The following SNX10 variants were observed in gnomAD, a reference collection of about 807,000 sequenced individuals.
SNX10 encodes sorting nexin 10.
A neutral mutation model predicts 28.5 loss-of-function variants in SNX10; 25 were observed. The ratio of observed to expected loss-of-function variants is 0.88; its 90% confidence interval spans 0.64 to 1.22. The LOEUF (loss-of-function observed/expected upper bound fraction) is 1.22, where lower values mean the gene tolerates loss of function less well. SNX10 is among the 50% of genes most tolerant of loss of function. SNX10 has a pLI of 0.00. For synonymous variants in SNX10, 62 were observed against 81.4 expected (o/e 0.76, Z 1.28); for missense variants, 223 against 242.6 (o/e 0.92, Z 0.54).
At chr7:26,304,478 A>C (rs1786504217) in intron 1 of SNX10, among the ~76,000 whole-genome samples, 1 of 152,218 alleles carries the variant, frequency 6.6e-6, no homozygotes, top group African/African-American at 2.4e-5. Flanking sequence ...GTGTCACTCC[A>C]GTCCTGCCAT....
chr7:26,344,195 T>TTTGG (rs1788289423), intron 1 of SNX10, among the ~76,000 whole-genome samples: 1 of 150,312 alleles, frequency 6.7e-6, no homozygotes. Flanking sequence ...TTTTTTTTTT[T>TTTGG]GAGATGAGGT....
chr7:26,333,807 C>T (rs2128005801), intron 1 of SNX10, among the ~76,000 whole-genome samples: 1 of 152,126 alleles, frequency 6.6e-6, no homozygotes, highest in East Asian at 1.9e-4. Flanking sequence ...TTTCACAATC[C>T]TTGGGTAAGG....
chr7:26,359,645 A>G (rs1173250723), intron 2 of SNX10, among the ~76,000 whole-genome samples: 2 of 151,926 alleles, frequency 1.3e-5, no homozygotes, highest in Admixed American at 1.3e-4. Flanking sequence ...AGTAAAGAGC[A>G]CCTGTTAAAA....
intron 5 of SNX10, chr7:26,370,714 C>G (rs1047960929): frequency 7.2e-5 from 11 of 152,240 alleles, no homozygotes; most frequent in Admixed American, 2.6e-4. Context: ...TTTAAACAAG[C>G]AGAATATAAG....
intron 1 of SNX10, among the ~76,000 whole-genome samples, chr7:26,295,622 A>G (rs1184718011): frequency 6.6e-6 from 1 of 152,226 alleles, no homozygotes; most frequent in Non-Finnish European, 1.5e-5. Context: ...TTTCCATTAT[A>G]GCCTGATAGT....
chr7:26,325,306 A>ATATATATATATATATATATAT lies in SNX10; in HGVS notation c.-23-21114_-23-21113insTATATATATATATATATATAT, dbSNP rs1787457774. Among the ~76,000 whole-genome samples, 60 of 51,370 alleles carry ATATATATATATATATATATAT rather than the reference A, an allele frequency of 1.2e-3. 1 individual carries two copies. Among genetic ancestry groups the ATATATATATATATATATATAT allele is most frequent in the Middle Eastern group, 0.011 (1 of 90 alleles). 33.7% of individuals were successfully genotyped at this position (51,370 alleles called of 152,430 possible). On this transcript the variant is annotated intron_variant, in intron 1 of 6. Coordinates refer to ENST00000338523, the MANE Select transcript of SNX10 (RefSeq NM_013322.3). ...AATTTTTTTCTACTGAAGTTTGCAA[A>ATATATATATATATATATATAT]ATATATATATATATATATATATTTG...
chr7:26,352,350 G>A (rs763970569), intron 2 of SNX10, among the ~76,000 whole-genome samples: 3 of 152,134 alleles, frequency 2.0e-5, no homozygotes, highest in Non-Finnish European at 2.9e-5. Context: ...GAGCCCAGGA[G>A]TTCAAGGCTG....
intron 1 of SNX10, among the ~76,000 whole-genome samples, chr7:26,322,918 A>T (rs1027196365): frequency 3.3e-5 from 5 of 152,142 alleles, no homozygotes; most frequent in African/African-American, 1.2e-4. Flanking sequence ...ACAAATAAAT[A>T]GTATAGATTC....
intron 2 of SNX10, among the ~76,000 whole-genome samples, chr7:26,358,811 T>TTTTTTTTTTGTTTTTGTTTTG (rs1788944950): frequency 1.4e-5 from 2 of 144,644 alleles, no homozygotes; most frequent in Non-Finnish European, 3.0e-5. Flanking sequence ...TTGTGTTTTT[T>TTTTTTTTTTGTTTTTGTTTTG]TTTTTTTTTT....
At chr7:26,368,060 A>G (rs934399310) in intron 5 of SNX10, among the ~76,000 whole-genome samples, 8 of 152,222 alleles carry the variant, frequency 5.3e-5, no homozygotes, top group Admixed American at 5.2e-4. Context: ...ATCTTTGTAG[A>G]GGAATTGGAA....
intron 1 of SNX10, among the ~76,000 whole-genome samples, chr7:26,339,736 G>A (rs1788107370): frequency 6.6e-6 from 1 of 151,612 alleles, no homozygotes. Flanking sequence ...TAGTAGAGAC[G>A]GGGTTTCACC....
chr7:26,300,569 C>T (rs1786295672), intron 1 of SNX10, among the ~76,000 whole-genome samples: 2 of 152,148 alleles, frequency 1.3e-5, no homozygotes, highest in South Asian at 4.1e-4. Context: ...AGACCTGGTC[C>T]TCTGAATTTC....
At chr7:26,307,511 G>A (rs1278053816) in intron 1 of SNX10, among the ~76,000 whole-genome samples, 7 of 152,038 alleles carry the variant, frequency 4.6e-5, no homozygotes, top group East Asian at 3.9e-4. Context: ...GTAGTGGCAC[G>A]ATCTCAGCTC....
At chr7:26,292,916 C>G (rs943050863) in intron 1 of SNX10, 1 of 152,328 alleles carries the variant, frequency 6.6e-6, no homozygotes, top group Non-Finnish European at 1.5e-5. Context: ...TGGCAGGCTT[C>G]TGACTTCCAC....
At chr7:26,314,388 G>A (rs1231427486) in intron 1 of SNX10, among the ~76,000 whole-genome samples, 2 of 151,992 alleles carry the variant, frequency 1.3e-5, no homozygotes, top group African/African-American at 4.8e-5. Context: ...CCGAGTAGCT[G>A]GGATTACAGG....
chr7:26,357,093 A>G (rs755413601), intron 2 of SNX10: 1 of 1,200,968 alleles, frequency 8.3e-7, no homozygotes, highest in South Asian at 1.4e-5. Context: ...AAGCTGCCCT[A>G]CAGGAGCTTA....
intron 1 of SNX10, among the ~76,000 whole-genome samples, chr7:26,317,559 C>G (rs1787138777): frequency 6.6e-6 from 1 of 151,658 alleles, no homozygotes; most frequent in South Asian, 2.1e-4. Context: ...ATTTAAGTCT[C>G]TTACTCTGTA....
intron 1 of SNX10, among the ~76,000 whole-genome samples, chr7:26,318,261 T>C (rs553166472): frequency 2.6e-5 from 4 of 152,288 alleles, no homozygotes; most frequent in South Asian, 2.1e-4. Context: ...TTATTTCTTA[T>C]AGCTAAGTGT....
At chr7:26,324,794 G>C (rs1787438506) in intron 1 of SNX10, among the ~76,000 whole-genome samples, 2 of 152,150 alleles carry the variant, frequency 1.3e-5, no homozygotes, top group South Asian at 2.1e-4. Context: ...GGTCACCCTA[G>C]TTATGGGCAA....
Sources: allele counts gnomAD v4.1 joint callset (sites outside exome capture counted in the v4.1 genomes callset), GRCh38; gene constraint gnomAD v4.1.1; transcripts MANE v1.5; gene names NCBI Gene and HGNC (gene_info 2026-07-23, HGNC 2026-07-21).